The following MAP3K3 variants were observed in gnomAD, a reference collection of about 807,000 sequenced individuals.
MAP3K3 encodes mitogen-activated protein kinase kinase kinase 3.
Under a neutral mutation model 80.9 loss-of-function variants are expected in MAP3K3, and 12 were observed. The ratio of observed to expected loss-of-function variants is 0.15; its 90% confidence interval spans 0.10 to 0.24. The LOEUF is 0.24. MAP3K3 is among the 10% of genes least tolerant of loss of function. The pLI is 1.00. For synonymous variants in MAP3K3, 272 were observed against 307.1 expected (o/e 0.89, Z 1.19); for missense variants, 596 against 834.7 (o/e 0.71, Z 3.52).
chr17:63,630,318 A>G (rs897005945), intron 1 of MAP3K3, among the ~76,000 whole-genome samples: 6 of 152,124 alleles, frequency 3.9e-5, no homozygotes, highest in Admixed American at 6.6e-5. Context: ...TAAAAATCAA[A>G]ACAAAAAACC....
rs1407549847 is a variant in MAP3K3 at position 63,685,578 on chromosome 17, G to C, written c.698G>C (p.Arg233Thr). The C allele has an allele frequency of 8.7e-6, 14 of 1,614,108 alleles. No homozygotes were observed. The highest frequency in any genetic ancestry group is 1.2e-5 in the Non-Finnish European group (14 of 1,179,948). ...SLSGSCQSLD[R>T]SADSPSFRKS... ...TCTGGAAGCTGCCAATCCTTGGACA[G>C]GTCAGCAGACAGGTATGGGACTGTG... The change falls in exon 8 of 16, where the codon AGG becomes ACG. Residue 233 changes from arginine to threonine, a missense_variant. Physicochemically the swap from Arg to Thr is moderately conservative, Grantham distance 71. Around this residue, in one of 2 missense-constraint regions of MAP3K3, gnomAD observed 364 missense variants for 588.9 expected, o/e 0.62. Coordinates refer to ENST00000361733, the MANE Select transcript of MAP3K3 (RefSeq NM_002401.5).
At chr17:63,632,447 A>G (rs1482035490) in intron 1 of MAP3K3, among the ~76,000 whole-genome samples, 1 of 152,144 alleles carries the variant, frequency 6.6e-6, no homozygotes, top group Non-Finnish European at 1.5e-5. Flanking sequence ...AGCTATGATC[A>G]CGCCACTGCA....
At chr17:63,644,066 T>C (rs1328865834) in intron 2 of MAP3K3, among the ~76,000 whole-genome samples, 4 of 152,192 alleles carry the variant, frequency 2.6e-5, no homozygotes, top group African/African-American at 9.7e-5. Flanking sequence ...TAATGGTACT[T>C]GTTTTGAGGA....
intron 5 of MAP3K3, 94 bp downstream of exon 5, chr17:63,658,001 C>T (rs1333748655): frequency 4.9e-6 from 3 of 608,676 alleles, no homozygotes; most frequent in Non-Finnish European, 8.8e-6. Context: ...TTTCGTTCCT[C>T]AGCCACTGCC....
chr17:63,659,535 T>C (rs1229339824), intron 5 of MAP3K3, among the ~76,000 whole-genome samples: 1 of 142,434 alleles, frequency 7.0e-6, no homozygotes, highest in Non-Finnish European at 1.5e-5. Flanking sequence ...CTTTTTTTTT[T>C]TTTTTTTTTT....
chr17:63,649,038 A>T (rs2034596084), intron 3 of MAP3K3, among the ~76,000 whole-genome samples: 1 of 152,180 alleles, frequency 6.6e-6, no homozygotes, highest in Admixed American at 6.5e-5. Flanking sequence ...CTATAATGGA[A>T]ATGTTCTATA....
chr17:63,649,301 G>C (rs1426594266), intron 3 of MAP3K3, among the ~76,000 whole-genome samples: 6 of 151,818 alleles, frequency 4.0e-5, no homozygotes, highest in Admixed American at 3.9e-4. Context: ...GCTGGGTGTG[G>C]TGGTGCACAC....
chr17:63,636,815 T>C (rs918001048), intron 2 of MAP3K3: 9 of 338,614 alleles, frequency 2.7e-5, no homozygotes, highest in Non-Finnish European at 5.3e-5. Context: ...AGGTGGTATG[T>C]GGAGAAGAAG....
At position 63,694,078 on chromosome 17, in the gene MAP3K3, G is replaced by A. The variant is rs544530261; in HGVS notation, c.*301G>A. 8.5e-5 allele frequency: 29 copies of A among 339,184 alleles called. No individual in the cohort carries two copies. The South Asian group carries it at 1.5e-3, about 17-fold the overall frequency. 21.0% of individuals were successfully genotyped at this position (339,184 alleles called of 1,614,324 possible). A position where few individuals can be genotyped will look rare whatever the true frequency, so the allele number is the denominator to read the frequency against. ...AGCCGTGGGCCCCACCCTCGGGGAT[G>A]TGTCCTGACACTGCAATTGGCACCG... On this transcript the variant is annotated 3_prime_UTR_variant, in exon 16 of 16. Transcript: ENST00000361733.
At position 63,689,089 on chromosome 17, in the gene MAP3K3, T is replaced by C. The variant is rs2035525584; in HGVS notation, c.871+208T>C. On this transcript the variant is annotated intron_variant, in intron 10 of 15. Transcript: ENST00000361733. This position sits in a 1 kb window ranked among gnomAD's most constrained non-coding sequence, Gnocchi z 4.3. ...GACCAGATGCTGCCACTGGGAACTC[T>C]GACCTTGTTTGAAGCCAGTGGTGTG... 1 of 595,072 alleles carries C rather than the reference T, an allele frequency of 1.7e-6. No homozygotes were observed. Among genetic ancestry groups the C allele is most frequent in the Admixed American group, 3.0e-5 (1 of 33,708 alleles). 36.9% of individuals were successfully genotyped at this position (595,072 alleles called of 1,614,324 possible).
chr17:63,652,877 A>G (rs779681140), intron 4 of MAP3K3, among the ~76,000 whole-genome samples: 2 of 152,180 alleles, frequency 1.3e-5, no homozygotes, highest in Non-Finnish European at 2.9e-5. Context: ...CTACTCATTC[A>G]GTGCAGATAG....
intron 4 of MAP3K3, among the ~76,000 whole-genome samples, chr17:63,653,360 G>A (rs2034698077): frequency 6.6e-6 from 1 of 152,154 alleles, no homozygotes; most frequent in South Asian, 2.1e-4. Context: ...TTGAGTTAGG[G>A]GTGCAAGACA....
chr17:63,680,046 A>G (rs2143546557), intron 6 of MAP3K3, among the ~76,000 whole-genome samples: 1 of 152,262 alleles, frequency 6.6e-6, no homozygotes, highest in Non-Finnish European at 1.5e-5. Context: ...ACAAAACAGA[A>G]TAGAATGAGT....
intron 6 of MAP3K3, among the ~76,000 whole-genome samples, chr17:63,680,279 A>G (rs1385136871): frequency 6.6e-6 from 1 of 152,170 alleles, no homozygotes; most frequent in Non-Finnish European, 1.5e-5. Context: ...GGAGAGAGGT[A>G]AGGGGTGGTA....
chr17:63,652,443 AAG>A (rs1470812825), intron 3 of MAP3K3, 112 bp from the exon 4 acceptor site: 2 of 709,500 alleles, frequency 2.8e-6, no homozygotes, highest in African/African-American at 1.8e-5. Context: ...AATTGAGTGA[AAG>A]AAAACAGAAT....
intron 2 of MAP3K3, among the ~76,000 whole-genome samples, chr17:63,643,117 A>G (rs934486060): frequency 1.3e-5 from 2 of 152,154 alleles, no homozygotes; most frequent in Admixed American, 1.3e-4. Flanking sequence ...CTGAGGAAAT[A>G]TGTGAGTAAA....
chr17:63,640,153 G>A (rs1428031155), intron 2 of MAP3K3, among the ~76,000 whole-genome samples: 3 of 152,116 alleles, frequency 2.0e-5, no homozygotes, highest in Non-Finnish European at 4.4e-5. Flanking sequence ...GGTGACATGC[G>A]CCTGTAGTCC....
At chr17:63,634,339 A>G (rs537604975) in intron 2 of MAP3K3, among the ~76,000 whole-genome samples, 2 of 152,296 alleles carry the variant, frequency 1.3e-5, no homozygotes, top group Non-Finnish European at 2.9e-5. Context: ...GACTATTAGC[A>G]TGAATATCAG....
At chr17:63,675,347 G>A (rs1174359424) in intron 6 of MAP3K3, among the ~76,000 whole-genome samples, 1 of 152,200 alleles carries the variant, frequency 6.6e-6, no homozygotes, top group Non-Finnish European at 1.5e-5. Context: ...GGCCAAAAAA[G>A]CTATCTCTTT....
Sources: gnomAD v4.1 joint callset for allele counts (sites outside exome capture counted in the v4.1 genomes callset) on GRCh38, gnomAD v4.1.1 for gene constraint, gnomAD v4.1.1 regional missense constraint, Gnocchi (gnomAD v3.1) non-coding constraint, MANE v1.5 for transcripts, NCBI Gene and HGNC (gene_info 2026-07-23, HGNC 2026-07-21) for gene names.